TENM2: variants seen among roughly 807,000 people sequenced by gnomAD.
The protein encoded by TENM2 is teneurin transmembrane protein 2.
A neutral mutation model predicts 245.2 loss-of-function variants in TENM2; 52 were observed. The ratio of observed to expected loss-of-function variants is 0.21; its 90% CI spans 0.17 to 0.27. The LOEUF is 0.27. Ranked by LOEUF, TENM2 falls within the 10% of genes least tolerant of loss-of-function variation. The pLI is 1.00. For missense variants in TENM2, 3,046 were observed against 3,666.8 expected (o/e 0.83, Z 4.37); for synonymous variants, 1,363 against 1,438.9 (o/e 0.95, Z 1.19).
chr5:167,025,852 C>T, the TENM2 span, among the ~76,000 whole-genome samples: 2 of 152,118 alleles, frequency 1.3e-5, no homozygotes, highest in African/African-American at 2.4e-5. Context: ...TAATCCGCTT[C>T]TCATTAGTTA....
At chr5:167,403,436 T>C (rs1762469621) in intron 2 of TENM2, among the ~76,000 whole-genome samples, 1 of 152,166 alleles carries the variant, frequency 6.6e-6, no homozygotes, top group Non-Finnish European at 1.5e-5. Context: ...ACTAATAAAC[T>C]TACTTTAAAT....
chr5:167,952,833 A>G lies in TENM2; in HGVS notation c.947+11A>G. 1.3e-6 allele frequency: 2 copies of G among 1,550,196 alleles called. No individual in the cohort carries two copies. Among genetic ancestry groups the G allele is most frequent in the Non-Finnish European group, 8.7e-7 (1 of 1,145,580 alleles). ...GCCACTGGAGACCCGGTAAGTCCCC[A>G]TCGCCAGCTCACAGTCACACTCAGT... On this transcript the variant is annotated intron_variant, in intron 4 of 28. Transcript: ENST00000518659.
the TENM2 span, among the ~76,000 whole-genome samples, chr5:167,126,612 G>T: frequency 6.6e-6 from 1 of 152,240 alleles, no homozygotes; most frequent in African/African-American, 2.4e-5. Flanking sequence ...TAGCAAGAAT[G>T]CTAATGGCCT....
chr5:167,119,484 G>A, the TENM2 span: 1 of 152,362 alleles, frequency 6.6e-6, no homozygotes, highest in East Asian at 1.9e-4. Context: ...TCTGGAGGCG[G>A]AAAAGTCTAG....
chr5:167,227,112 AT>A, the TENM2 span, among the ~76,000 whole-genome samples: 2 of 128,570 alleles, frequency 1.6e-5, no homozygotes, highest in Non-Finnish European at 3.3e-5. Context: ...CAGTTGGATA[AT>A]TTTTTTTATT....
chr5:168,156,265 A>AAAAAC (rs1241565395), intron 12 of TENM2, among the ~76,000 whole-genome samples: 1 of 150,580 alleles, frequency 6.6e-6, no homozygotes, highest in Non-Finnish European at 1.5e-5. Flanking sequence ...AAAAAAAAAA[A>AAAAAC]ACACTTTTTT....
chr5:167,202,655 T>G, the TENM2 span, among the ~76,000 whole-genome samples: 2 of 152,144 alleles, frequency 1.3e-5, no homozygotes, highest in African/African-American at 2.4e-5. Context: ...TCCATCATCC[T>G]CCCAGTCACA....
chr5:168,115,359 GGGAA>G (rs55973990), intron 9 of TENM2, among the ~76,000 whole-genome samples: 1,430 of 71,614 alleles, frequency 0.02, 32 homozygotes, highest in African/African-American at 0.046. Flanking sequence ...AGGGAAGGAA[GGGAA>G]GGAAGGAAGG....
chr5:167,489,818 A>T (rs1318345863), intron 2 of TENM2, among the ~76,000 whole-genome samples: 5 of 152,320 alleles, frequency 3.3e-5, no homozygotes, highest in East Asian at 3.9e-4. Context: ...TTTACAACTT[A>T]GTAATACCTG....
intron 2 of TENM2, among the ~76,000 whole-genome samples, chr5:167,766,656 C>A (rs1218503089): frequency 6.6e-6 from 1 of 152,084 alleles, no homozygotes; most frequent in African/African-American, 2.4e-5. Context: ...GCGGGCAGAT[C>A]ACCTGAGGTC....
the TENM2 span, among the ~76,000 whole-genome samples, chr5:167,130,888 CTTTTTTTTT>C: frequency 1.4e-5 from 1 of 73,358 alleles, no homozygotes; most frequent in African/African-American, 6.8e-5. Flanking sequence ...GTGTTAAATG[CTTTTTTTTT>C]TTTTTTTTTT....
intron 2 of TENM2, among the ~76,000 whole-genome samples, chr5:167,432,196 C>G (rs1764295747): frequency 6.6e-6 from 1 of 151,378 alleles, no homozygotes; most frequent in African/African-American, 2.4e-5. Context: ...TGGTTTACCT[C>G]CATAAAACAG....
chr5:167,515,907 CT>C (rs1430240328), intron 2 of TENM2, among the ~76,000 whole-genome samples: 1 of 151,972 alleles, frequency 6.6e-6, no homozygotes, highest in Non-Finnish European at 1.5e-5. Context: ...GTTAATTACA[CT>C]CATTTAGCCA....
At chr5:168,078,235 A>T (rs891776454) in intron 7 of TENM2, among the ~76,000 whole-genome samples, 10 of 152,212 alleles carry the variant, frequency 6.6e-5, no homozygotes, top group African/African-American at 2.4e-4. Context: ...TCTTTTGAGA[A>T]GTGTCTGTTC....
rs150392308 is a variant in TENM2, at chr5:167,776,420, G to A, written c.503-99566G>A. The stretch of plus-strand genomic sequence containing the variant: ...GAGACCAGCCTGGGCAGCAAGGCGA[G>A]ACCCCATCTCTACAAAAATACAAAA... On this transcript the variant is annotated intron_variant, in intron 2 of 28. Transcript: ENST00000518659. Among the ~76,000 whole-genome samples the A allele has an allele frequency of 1.2e-3, 179 of 151,240 alleles. 3 individuals carry two copies. The East Asian group carries it at 0.027, about 23-fold the overall frequency.
the TENM2 span, among the ~76,000 whole-genome samples, chr5:167,034,402 G>A: frequency 4.1e-3 from 626 of 152,070 alleles, 4 homozygotes; most frequent in African/African-American, 0.013. Flanking sequence ...AGGCCGAGGC[G>A]GGTGGATCAC....
chr5:167,402,640 A>G (rs1315546238), intron 2 of TENM2, among the ~76,000 whole-genome samples: 2 of 152,052 alleles, frequency 1.3e-5, no homozygotes, highest in Non-Finnish European at 2.9e-5. Context: ...ACATGAGGGA[A>G]TTTTCCAGTG....
chr5:167,503,134 T>C (rs1235109225), intron 2 of TENM2, among the ~76,000 whole-genome samples: 1 of 152,186 alleles, frequency 6.6e-6, no homozygotes, highest in Admixed American at 6.5e-5. Flanking sequence ...GCCCATATTG[T>C]TATTTTTTAC....
chr5:167,421,160 A>G (rs1437969256), intron 2 of TENM2, among the ~76,000 whole-genome samples: 4 of 152,220 alleles, frequency 2.6e-5, no homozygotes, highest in African/African-American at 9.7e-5. Context: ...AACTAACCTC[A>G]TATGGAACAA....
Sources: gnomAD v4.1 joint callset for allele counts (sites outside exome capture counted in the v4.1 genomes callset) on GRCh38, gnomAD v4.1.1 for gene constraint, MANE v1.5 for transcripts, NCBI Gene and HGNC (gene_info 2026-07-23, HGNC 2026-07-21) for gene names.